The following INPP4B variants were observed in gnomAD, a reference collection of about 807,000 sequenced individuals.
INPP4B encodes the protein inositol polyphosphate-4-phosphatase type II B, also known as inositol polyphosphate 4-phosphatase type II.
Under a neutral mutation model 122.5 loss-of-function variants are expected in INPP4B, and 55 were observed. That is an observed-to-expected ratio of 0.45 (90% confidence interval 0.36 to 0.56). The LOEUF (loss-of-function observed/expected upper bound fraction) is 0.56, where lower values mean the gene tolerates loss of function less well. INPP4B is among the 20% of genes least tolerant of loss of function. INPP4B has a pLI of 0.00. For missense variants in INPP4B, 1,000 were observed against 1,097.7 expected (o/e 0.91, Z 1.26); for synonymous variants, 403 against 388.7 (o/e 1.04, Z -0.43).
chr4:142,042,434 G>T (rs763153013), intron 25 of INPP4B, among the ~76,000 whole-genome samples: 1 of 152,050 alleles, frequency 6.6e-6, no homozygotes, highest in Non-Finnish European at 1.5e-5. Flanking sequence ...TTTATCTACA[G>T]CCTCTTTCTG....
chr4:142,686,148 G>A (rs1333686009), intron 2 of INPP4B, among the ~76,000 whole-genome samples: 2 of 152,070 alleles, frequency 1.3e-5, no homozygotes, highest in Non-Finnish European at 2.9e-5. Flanking sequence ...ATAAGAATTT[G>A]TGAAACTATC....
At chr4:142,398,409 T>C (rs1466429709) in intron 7 of INPP4B, among the ~76,000 whole-genome samples, 2 of 12,126 alleles carry the variant, frequency 1.6e-4, no homozygotes, top group African/African-American at 4.8e-4. Context: ...AAAATATATA[T>C]ATATATATAT....
chr4:142,777,543 G>A lies in INPP4B; in HGVS notation c.-253-51642C>T, dbSNP rs1396001561. Reference sequence around the variant, plus strand: ...CTTGATTGCAGCCTACTGACACCCTGAGCCTCTGATCCAGGTAGGCCACGC... The same window carrying A: ...CTTGATTGCAGCCTACTGACACCCTAAGCCTCTGATCCAGGTAGGCCACGC... On this transcript the variant is annotated intron_variant, in intron 1 of 25. Coordinates refer to ENST00000262992, the MANE Select transcript of INPP4B (RefSeq NM_001101669.3). Among the ~76,000 whole-genome samples, 5 of 152,140 alleles carry A rather than the reference G, an allele frequency of 3.3e-5. No homozygotes were observed. The South Asian group carries it at 6.2e-4, about 19-fold the overall frequency.
At chr4:142,777,606 C>T (rs1201777415) in intron 1 of INPP4B, among the ~76,000 whole-genome samples, 1 of 152,150 alleles carries the variant, frequency 6.6e-6, no homozygotes, top group African/African-American at 2.4e-5. Flanking sequence ...AGGTAATAAA[C>T]ATGTGTTGTT....
At chr4:142,364,972 G>A (rs1295154867) in intron 7 of INPP4B, among the ~76,000 whole-genome samples, 1 of 152,054 alleles carries the variant, frequency 6.6e-6, no homozygotes, top group Non-Finnish European at 1.5e-5. Flanking sequence ...CATATTTAAA[G>A]GTCAGCCAAC....
chr4:142,111,526 T>C (rs991874279), intron 22 of INPP4B, among the ~76,000 whole-genome samples: 1 of 152,044 alleles, frequency 6.6e-6, no homozygotes, highest in Non-Finnish European at 1.5e-5. Context: ...TTTGTATTTT[T>C]AGTAGAGTTG....
At chr4:142,727,821 T>C (rs1326542948) in intron 1 of INPP4B, among the ~76,000 whole-genome samples, 1 of 152,128 alleles carries the variant, frequency 6.6e-6, no homozygotes, top group Non-Finnish European at 1.5e-5. Context: ...GAGGCTATAG[T>C]GAGCCGAGAT....
chr4:142,806,059 C>T (rs1778641018), intron 1 of INPP4B, among the ~76,000 whole-genome samples: 1 of 152,024 alleles, frequency 6.6e-6, no homozygotes, highest in Admixed American at 6.5e-5. Flanking sequence ...GCGGGCGGAT[C>T]ACGAGGTCAG....
At chr4:142,307,692 G>A (rs34348762) in intron 8 of INPP4B, among the ~76,000 whole-genome samples, 19,565 of 152,168 alleles carry the variant, frequency 0.13, 1,549 homozygotes, top group African/African-American at 0.22. Flanking sequence ...ATTTTAAAGA[G>A]ATGTCGATCT....
intron 17 of INPP4B, among the ~76,000 whole-genome samples, chr4:142,147,026 C>T (rs1045082869): frequency 5.9e-5 from 9 of 152,164 alleles, no homozygotes; most frequent in African/African-American, 1.7e-4. Context: ...TTCCTCACTT[C>T]CTTCGTGCTT....
Position 142,025,986 on chromosome 4 carries a change from T to C in INPP4B, c.*2796A>G, listed in dbSNP as rs1736883289. The C allele has an allele frequency of 6.6e-6, 1 of 152,194 alleles. No homozygotes were observed. Among genetic ancestry groups the C allele is most frequent in the Non-Finnish European group, 1.5e-5 (1 of 68,024 alleles). The allele number at this position is 152,194 out of a possible 1,614,324, so 9.4% of individuals were successfully genotyped here. On this transcript the variant is annotated 3_prime_UTR_variant, in exon 26 of 26. Transcript: ENST00000262992. ...GTTTCCTTGTCTTTAAATATGTTTTTCCTAGGGCTCAGTAAATAGCTAATC... is the reference window on the plus strand; with the variant it reads ...GTTTCCTTGTCTTTAAATATGTTTTCCCTAGGGCTCAGTAAATAGCTAATC...
intron 14 of INPP4B, among the ~76,000 whole-genome samples, chr4:142,197,938 C>T (rs1357222673): frequency 5.3e-5 from 8 of 152,046 alleles, no homozygotes; most frequent in African/African-American, 1.9e-4. Context: ...TGTAAACAAC[C>T]TTCAACATCT....
At chr4:142,784,848 C>G (rs1775503312) in intron 1 of INPP4B, among the ~76,000 whole-genome samples, 1 of 152,070 alleles carries the variant, frequency 6.6e-6, no homozygotes, top group African/African-American at 2.4e-5. Flanking sequence ...TTTATCTGAC[C>G]TAAGAGCAGG....
intron 2 of INPP4B, among the ~76,000 whole-genome samples, chr4:142,562,562 G>C (rs1730697090): frequency 6.6e-6 from 1 of 152,158 alleles, no homozygotes; most frequent in Non-Finnish European, 1.5e-5. Flanking sequence ...GAAAGTACTT[G>C]TGGACAAGGT....
chr4:142,702,625 G>C (rs1213034097), intron 2 of INPP4B, among the ~76,000 whole-genome samples: 1 of 151,350 alleles, frequency 6.6e-6, no homozygotes, highest in African/African-American at 2.4e-5. Flanking sequence ...AGCTACTCGG[G>C]AGGCTGAGGC....
chr4:142,542,550 A>T (rs1477571307), intron 2 of INPP4B, among the ~76,000 whole-genome samples: 2 of 152,194 alleles, frequency 1.3e-5, no homozygotes, highest in Non-Finnish European at 2.9e-5. Context: ...TAATTAATAC[A>T]CATGAAGCAA....
intron 1 of INPP4B, among the ~76,000 whole-genome samples, chr4:142,826,139 A>T (rs1307149437): frequency 6.6e-6 from 1 of 152,178 alleles, no homozygotes; most frequent in Admixed American, 6.5e-5. Context: ...ATATACATAT[A>T]TGAGAAACGG....
chr4:142,530,670 G>A (rs980322563), intron 2 of INPP4B, among the ~76,000 whole-genome samples: 2 of 151,934 alleles, frequency 1.3e-5, no homozygotes, highest in African/African-American at 4.8e-5. Context: ...TGCTGTTTTA[G>A]ATAGGGTGTT....
At chr4:142,679,075 A>T (rs1028317229) in intron 2 of INPP4B, among the ~76,000 whole-genome samples, 3 of 151,886 alleles carry the variant, frequency 2.0e-5, no homozygotes, top group African/African-American at 7.2e-5. Flanking sequence ...TTTACCTCTC[A>T]AGAGACCACT....
Sources: allele counts gnomAD v4.1 joint callset (sites outside exome capture counted in the v4.1 genomes callset), GRCh38; gene constraint gnomAD v4.1.1; transcripts MANE v1.5; gene names NCBI Gene and HGNC (gene_info 2026-07-23, HGNC 2026-07-21).